Variants in CSMD1 observed in about 807,000 individuals in gnomAD.
The protein encoded by CSMD1 is CUB and Sushi multiple domains 1, also known as CUB and sushi domain-containing protein 1.
Under a neutral mutation model 417.5 loss-of-function variants are expected in CSMD1, and 213 were observed. The ratio of observed to expected loss-of-function variants is 0.51; its 90% CI spans 0.46 to 0.57. The LOEUF (loss-of-function observed/expected upper bound fraction) is 0.57, where lower values mean the gene tolerates loss of function less well. Ranked by LOEUF, CSMD1 falls within the 20% of genes least tolerant of loss-of-function variation. CSMD1 has a pLI of 0.00. For synonymous variants in CSMD1, 2,862 were observed against 1,736.8 expected (o/e 1.65, Z -16.11); for missense variants, 6,923 against 4,529.7 (o/e 1.53, Z -15.17).
chr8:3,797,991 T>C (rs540121773), intron 5 of CSMD1, among the ~76,000 whole-genome samples: 68 of 152,132 alleles, frequency 4.5e-4, no homozygotes, highest in Non-Finnish European at 5.9e-4. Context: ...CAACGTGCAT[T>C]TCCTTGAAGA....
chr8:3,144,071 A>T (rs1818681630), intron 40 of CSMD1, among the ~76,000 whole-genome samples: 1 of 152,224 alleles, frequency 6.6e-6, no homozygotes. Context: ...CTTGGTGGGC[A>T]TCACGTAGGG....
At chr8:4,489,826 C>T (rs541558231) in intron 2 of CSMD1, among the ~76,000 whole-genome samples, 1 of 152,252 alleles carries the variant, frequency 6.6e-6, no homozygotes, top group African/African-American at 2.4e-5. Context: ...AGGCTGCCAC[C>T]TGACTTGCAG....
At chr8:4,181,949 T>TGC (rs1554484212) in intron 3 of CSMD1, among the ~76,000 whole-genome samples, 7 of 31,404 alleles carry the variant, frequency 2.2e-4, no homozygotes, top group Non-Finnish European at 4.1e-4. Flanking sequence ...TCTGTTTGTC[T>TGC]GTGTCTGCGT....
intron 10 of CSMD1, among the ~76,000 whole-genome samples, chr8:3,570,296 T>C (rs761442489): frequency 1.1e-4 from 17 of 152,258 alleles, no homozygotes; most frequent in East Asian, 3.8e-4. Flanking sequence ...CTGGATGTGA[T>C]GGATATCACT....
intron 3 of CSMD1, among the ~76,000 whole-genome samples, chr8:4,077,850 T>C (rs565317963): frequency 6.6e-6 from 1 of 152,282 alleles, no homozygotes; most frequent in South Asian, 2.1e-4. Context: ...TGAGCCTAAA[T>C]ATGCCTCCTT....
At chr8:3,233,125 T>C (rs893325859) in intron 26 of CSMD1, among the ~76,000 whole-genome samples, 3 of 152,204 alleles carry the variant, frequency 2.0e-5, no homozygotes, top group African/African-American at 7.2e-5. Flanking sequence ...TGGCCTAATT[T>C]TTCTACTTCA....
chr8:3,717,476 T>C (rs1386290609), intron 6 of CSMD1, among the ~76,000 whole-genome samples: 18 of 152,280 alleles, frequency 1.2e-4, no homozygotes, highest in Non-Finnish European at 1.8e-4. Flanking sequence ...GATATTGTTG[T>C]AGGACGTTCC....
At chr8:3,836,576 G>A (rs549409685) in intron 5 of CSMD1, among the ~76,000 whole-genome samples, 36 of 152,138 alleles carry the variant, frequency 2.4e-4, no homozygotes, top group Non-Finnish European at 4.7e-4. Context: ...ATTGAAGCTT[G>A]GTCTTTGAAG....
intron 26 of CSMD1, among the ~76,000 whole-genome samples, chr8:3,271,035 G>A (rs554637114): frequency 2.0e-5 from 3 of 151,472 alleles, no homozygotes; most frequent in African/African-American, 4.9e-5. Flanking sequence ...CCACTAACTT[G>A]TCATCTAGCA....
chr8:3,913,331 C>G (rs566875729), intron 5 of CSMD1, among the ~76,000 whole-genome samples: 1 of 152,060 alleles, frequency 6.6e-6, no homozygotes, highest in South Asian at 2.1e-4. Flanking sequence ...GAGTGAGAAT[C>G]CAAGGCCAAT....
In CSMD1 at chr8:4,686,398, C is replaced by T. The variant is rs540844857; in HGVS notation, c.86-48840G>A. On this transcript the variant is annotated intron_variant, in intron 1 of 69. Transcript: ENST00000635120. Reference sequence around the variant, plus strand: ...TGAGAAAACTGCAGAGGCAGGAAGGCCACTGTCACCTGCCCTTGCTCTTCT... The same window carrying T: ...TGAGAAAACTGCAGAGGCAGGAAGGTCACTGTCACCTGCCCTTGCTCTTCT... 3.3e-5 allele frequency among the ~76,000 whole-genome samples: 5 copies of T among 152,346 alleles called. No homozygotes were observed. The South Asian group carries it at 1.0e-3, about 32-fold the overall frequency.
chr8:3,124,093 GT>G (rs535330635), intron 41 of CSMD1, among the ~76,000 whole-genome samples: 2 of 150,962 alleles, frequency 1.3e-5, no homozygotes, highest in Admixed American at 6.6e-5. Flanking sequence ...AATTGTTGTT[GT>G]TTTTTTTTCT....
intron 1 of CSMD1, among the ~76,000 whole-genome samples, chr8:4,964,446 G>A (rs1809714456): frequency 6.8e-6 from 1 of 146,382 alleles, no homozygotes; most frequent in Admixed American, 6.9e-5. Context: ...CTGATCCCAG[G>A]AGGTCGAGGC....
chr8:4,786,110 A>G (rs955941100), intron 1 of CSMD1, among the ~76,000 whole-genome samples: 1 of 152,128 alleles, frequency 6.6e-6, no homozygotes, highest in Non-Finnish European at 1.5e-5. Context: ...GACCAAAAAA[A>G]ATAAATATCC....
intron 22 of CSMD1, among the ~76,000 whole-genome samples, chr8:3,346,796 A>G (rs1431587347): frequency 6.6e-6 from 1 of 152,224 alleles, no homozygotes; most frequent in East Asian, 1.9e-4. Flanking sequence ...GTGAGTTGAC[A>G]ATACTGAATC....
rs143926172 is a variant in CSMD1, at chr8:4,380,302, A to G, written c.415+39651T>C. Among the ~76,000 whole-genome samples, 118 of 152,262 alleles carry G rather than the reference A, an allele frequency of 7.7e-4. 1 individual carries two copies. The highest frequency in any genetic ancestry group is 3.4e-3 in the Middle Eastern group (1 of 294). On this transcript the variant is annotated intron_variant, in intron 3 of 69. Transcript: ENST00000635120. ...ACTAAGGTCAGCATCTGCAGTGCTGAGCCACAGTGATAGCACACCCTCCTT... is the reference window on the plus strand; with the variant it reads ...ACTAAGGTCAGCATCTGCAGTGCTGGGCCACAGTGATAGCACACCCTCCTT...
chr8:4,049,035 C>G (rs1269061855), intron 3 of CSMD1, among the ~76,000 whole-genome samples: 1 of 152,146 alleles, frequency 6.6e-6, no homozygotes, highest in Non-Finnish European at 1.5e-5. Flanking sequence ...GACTCACCAC[C>G]CATCTCAACA....
At chr8:3,311,946 C>G (rs1805384066) in intron 23 of CSMD1, among the ~76,000 whole-genome samples, 1 of 152,158 alleles carries the variant, frequency 6.6e-6, no homozygotes. Flanking sequence ...GTTCAGAAAT[C>G]ATGGCTTTTA....
intron 4 of CSMD1, among the ~76,000 whole-genome samples, chr8:4,012,460 C>A (rs957085343): frequency 1.3e-5 from 2 of 152,108 alleles, no homozygotes; most frequent in African/African-American, 4.8e-5. Flanking sequence ...CAGGGGTACA[C>A]ATGCAGGTTT....
Sources: gnomAD v4.1 joint callset for allele counts (sites outside exome capture counted in the v4.1 genomes callset) on GRCh38, gnomAD v4.1.1 for gene constraint, MANE v1.5 for transcripts, NCBI Gene and HGNC (gene_info 2026-07-23, HGNC 2026-07-21) for gene names.